The following PPA1 variants were observed in gnomAD, a reference collection of about 807,000 sequenced individuals.
The protein encoded by PPA1 is inorganic pyrophosphatase 1, also known as inorganic pyrophosphatase.
A neutral mutation model predicts 41.8 loss-of-function variants in PPA1; 23 were observed. The observed-to-expected ratio is 0.55, with a 90% CI of 0.40 to 0.78. The LOEUF (loss-of-function observed/expected upper bound fraction) is 0.78, where lower values mean the gene tolerates loss of function less well. Among genes scored for constraint, PPA1 ranks in the 30% least tolerant of loss-of-function variants. The pLI is 0.00. For synonymous variants in PPA1, 101 were observed against 116.8 expected (o/e 0.86, Z 0.87); for missense variants, 320 against 361.6 (o/e 0.89, Z 0.93).
intron 2 of PPA1, among the ~76,000 whole-genome samples, chr10:70,221,076 A>ATATATATATT (rs1224550178): frequency 5.0e-5 from 2 of 40,050 alleles, no homozygotes; most frequent in South Asian, 6.1e-4. Flanking sequence ...ATATATATAT[A>ATATATATATT]TTTTTTTTTT....
intron 6 of PPA1, among the ~76,000 whole-genome samples, chr10:70,210,934 T>G (rs576020541): frequency 1.3e-5 from 2 of 152,024 alleles, no homozygotes; most frequent in Non-Finnish European, 2.9e-5. Flanking sequence ...CCTGGCTAAT[T>G]TTTTTGTATT....
chr10:70,227,568 T>G (rs1223547778), intron 2 of PPA1, among the ~76,000 whole-genome samples: 2 of 150,118 alleles, frequency 1.3e-5, no homozygotes, highest in Non-Finnish European at 2.9e-5. Flanking sequence ...GGAGGATCAC[T>G]TGTGCCTGAG....
chr10:70,220,823 T>TATATATATAATTTTTATATATATA (rs1840144977), intron 2 of PPA1, among the ~76,000 whole-genome samples: 2 of 4,196 alleles, frequency 4.8e-4, no homozygotes, highest in Non-Finnish European at 7.0e-4. Context: ...TTATATATAT[T>TATATATATAATTTTTATATATATA]ATATATATAA....
chr10:70,206,844 A>G (rs1182951055), intron 8 of PPA1, among the ~76,000 whole-genome samples: 1 of 93,944 alleles, frequency 1.1e-5, no homozygotes. Context: ...CTGCGTTGCA[A>G]TAAGGAGGAG....
intron 2 of PPA1, 137 bp from the exon 3 acceptor site, chr10:70,218,954 C>CA (rs1440263954): frequency 4.7e-6 from 3 of 636,288 alleles, no homozygotes; most frequent in East Asian, 5.6e-5. Flanking sequence ...CAAAATGCAT[C>CA]AAAAAAAGAG....
In PPA1 at chr10:70,218,064, T is replaced by C. The variant is rs1009687633; in HGVS notation, c.178-133A>G. The C allele has an allele frequency of 5.6e-5, 46 of 816,726 alleles. No homozygotes were observed. The Middle Eastern group carries it at 1.1e-3, about 19-fold the overall frequency. The allele number at this position is 816,726 out of a possible 1,614,324, so 50.6% of individuals were successfully genotyped here. ...ATGATATATTTTATCCCTAACACTT[T>C]TATAATTGAACTAAGGTGTTTCCAT... On this transcript the variant is annotated intron_variant, in intron 3 of 10. Coordinates refer to ENST00000373232, the MANE Select transcript of PPA1 (RefSeq NM_021129.4).
At chr10:70,230,471 T>C in intron 1 of PPA1, 72 bp from the exon 2 acceptor site, 1 of 1,447,436 alleles carries the variant, frequency 6.9e-7, no homozygotes, top group African/African-American at 1.4e-5. Context: ...ACACATTTTT[T>C]TTTTCTGAGA....
chr10:70,203,103 A>G lies in PPA1; in HGVS notation c.*52T>C, dbSNP rs1839900245. 4 of 1,547,350 alleles carry G rather than the reference A, an allele frequency of 2.6e-6. No homozygotes were observed. Among genetic ancestry groups the G allele is most frequent in the Non-Finnish European group, 2.7e-6 (3 of 1,124,064 alleles). ...AAGCTACTACTTTTACTTCTAATAC[A>G]TCCAGATGAACACGATGTAGCAATA... is the stretch of plus-strand genomic sequence containing the variant. On this transcript the variant is annotated 3_prime_UTR_variant, in exon 11 of 11. Coordinates refer to ENST00000373232, the MANE Select transcript of PPA1 (RefSeq NM_021129.4).
In PPA1 at chr10:70,219,431, G is replaced by T. The variant is rs562114462; in HGVS notation, c.124-614C>A. On this transcript the variant is annotated intron_variant, in intron 2 of 10. Transcript: ENST00000373232. Reference sequence around the variant, plus strand: ...TTTTGGAGCTTCTATTTCAGAGACAGTTTATAAGACAAACCCCAAGTCAGA... The same window carrying T: ...TTTTGGAGCTTCTATTTCAGAGACATTTTATAAGACAAACCCCAAGTCAGA... Among the ~76,000 whole-genome samples, 158 of 152,230 alleles carry T rather than the reference G, an allele frequency of 1.0e-3. 1 individual carries two copies. Among genetic ancestry groups the T allele is most frequent in the African/African-American group, 3.6e-3 (149 of 41,544 alleles).
At chr10:70,205,143 G>C in intron 9 of PPA1, 5 of 308,088 alleles carry the variant, frequency 1.6e-5, no homozygotes, top group Non-Finnish European at 1.8e-5. Context: ...CCAACACTTC[G>C]GGAGGCTGAA....
chr10:70,211,252 T>C (rs7914258), intron 6 of PPA1, among the ~76,000 whole-genome samples: 16,198 of 152,210 alleles, frequency 0.11, 1,245 homozygotes, highest in East Asian at 0.22. Context: ...AAATCCAACA[T>C]GCAAATGTTG....
In PPA1 at chr10:70,220,969, T is replaced by A. The variant is rs867886396; in HGVS notation, c.124-2152A>T. Among the ~76,000 whole-genome samples, 83 of 24,044 alleles carry A rather than the reference T, an allele frequency of 3.5e-3. 1 individual carries two copies. The highest frequency in any genetic ancestry group is 0.015 in the African/African-American group (75 of 5,146). The allele number at this position is 24,044 out of a possible 152,430, so 15.8% of individuals were successfully genotyped here. On this transcript the variant is annotated intron_variant, in intron 2 of 10. Transcript: ENST00000373232. ...AATTTATATATAATATATATAATTT[T>A]TATATATATACTATATATATAATTT... is the stretch of plus-strand genomic sequence containing the variant.
chr10:70,202,988 G>C lies in PPA1; in HGVS notation c.*167C>G. ...TTATCTTAGTTGAGATATGAAAAAT[G>C]CTTTAGATGGATAACATTCTGAGTA... On this transcript the variant is annotated 3_prime_UTR_variant, in exon 11 of 11. Coordinates refer to ENST00000373232, the MANE Select transcript of PPA1 (RefSeq NM_021129.4). The C allele has an allele frequency of 1.4e-6, 1 of 689,908 alleles. No homozygotes were observed. Among genetic ancestry groups the C allele is most frequent in the Non-Finnish European group, 2.5e-6 (1 of 400,884 alleles). 42.7% of individuals were successfully genotyped at this position (689,908 alleles called of 1,614,324 possible).
intron 6 of PPA1, chr10:70,210,233 C>A: frequency 2.2e-6 from 1 of 454,838 alleles, no homozygotes; most frequent in South Asian, 1.7e-5. Context: ...AGCATGCACA[C>A]GCCCAGCTAA....
At position 70,213,509 on chromosome 10, in the gene PPA1, T is replaced by C. The variant is rs61741009; in HGVS notation, c.465A>G (p.Lys155=). 2.9e-3 allele frequency: 4,736 copies of C among 1,614,052 alleles called. 124 individuals are homozygous for C. The African/African-American group carries it at 0.056, about 19-fold the overall frequency. Reference sequence around the variant, plus strand: ...GATCATCCACATTAATGGCAATGACTTTCCAGTCGGTTTCCCCTTCGTCAA... The same window carrying C: ...GATCATCCACATTAATGGCAATGACCTTCCAGTCGGTTTCCCCTTCGTCAA... ...AMIDEGETDW[K]VIAINVDDPD... is the part of the protein sequence containing the mutation. The change falls in exon 6 of 11, where the codon AAA becomes AAG. Residue 155 remains lysine, a synonymous_variant. Coordinates refer to ENST00000373232, the MANE Select transcript of PPA1 (RefSeq NM_021129.4).
intron 8 of PPA1, among the ~76,000 whole-genome samples, chr10:70,206,893 AGG>A (rs1271759321): frequency 1.2e-3 from 91 of 77,300 alleles, no homozygotes; most frequent in African/African-American, 2.0e-3. Flanking sequence ...AGGGGAGGGG[AGG>A]GGAGGAGAGG....
At chr10:70,208,674 T>C (rs1278660705) in intron 8 of PPA1, among the ~76,000 whole-genome samples, 1 of 152,120 alleles carries the variant, frequency 6.6e-6, no homozygotes, top group Non-Finnish European at 1.5e-5. Context: ...CATATAACTC[T>C]TCTCCATTTT....
intron 9 of PPA1, 184 bp from the exon 10 acceptor site, chr10:70,205,099 C>T (rs963784061): frequency 3.2e-5 from 17 of 526,752 alleles, no homozygotes; most frequent in Non-Finnish European, 5.8e-5. Context: ...AAATTCAAGC[C>T]TCTTGGACAG....
At position 70,214,735 on chromosome 10, in the gene PPA1, C is replaced by T. The variant is rs570861998; in HGVS notation, c.298-149G>A. On this transcript the variant is annotated intron_variant, in intron 4 of 10. Coordinates refer to ENST00000373232, the MANE Select transcript of PPA1 (RefSeq NM_021129.4). ...CGCATTTAAGAATCTTAACTACACA[C>T]AAGAGTTTCAATTAAATGCTGTAGC... The T allele has an allele frequency of 1.1e-4, 68 of 594,582 alleles. 2 individuals are homozygous for T. The South Asian group carries it at 1.2e-3, about 11-fold the overall frequency. The allele number at this position is 594,582 out of a possible 1,614,324, so 36.8% of individuals were successfully genotyped here. A position where few individuals can be genotyped will look rare whatever the true frequency, so the allele number is the denominator to read the frequency against.
Sources: allele counts gnomAD v4.1 joint callset (sites outside exome capture counted in the v4.1 genomes callset), GRCh38; gene constraint gnomAD v4.1.1; transcripts MANE v1.5; gene names NCBI Gene and HGNC (gene_info 2026-07-23, HGNC 2026-07-21).